ANKHD1: variants seen among roughly 807,000 people sequenced by gnomAD.
The protein encoded by ANKHD1 is ankyrin repeat and KH domain-containing protein 1.
ANKHD1 carries 31 observed loss-of-function variants against 230.5 expected under a neutral mutation model. The observed-to-expected ratio is 0.13, with a 90% CI of 0.10 to 0.18. The LOEUF is 0.18. ANKHD1 is among the 10% of genes least tolerant of loss of function. ANKHD1 has a pLI of 1.00. For synonymous variants in ANKHD1, 1,074 were observed against 1,117.6 expected, an observed-to-expected ratio of 0.96 and a Z score of 0.78; for missense variants, 2,256 against 3,071.3, an observed-to-expected ratio of 0.73 and a Z score of 6.27.
At chr5:140,443,756 A>G (rs1311168511) in intron 5 of ANKHD1, among the ~76,000 whole-genome samples, 1 of 151,946 alleles carries the variant, frequency 6.6e-6, no homozygotes, top group Non-Finnish European at 1.5e-5. Flanking sequence ...CCCCTTGAGG[A>G]TTCTTGGTGA....
At chr5:140,462,346 T>G (rs2126974728) in intron 9 of ANKHD1, among the ~76,000 whole-genome samples, 1 of 152,270 alleles carries the variant, frequency 6.6e-6, no homozygotes, top group East Asian at 1.9e-4. Flanking sequence ...GTTCTTTTAT[T>G]CCTTCTTTGT....
chr5:140,408,490 G>T (rs1213604496), intron 1 of ANKHD1, among the ~76,000 whole-genome samples: 1 of 152,050 alleles, frequency 6.6e-6, no homozygotes, highest in Admixed American at 6.6e-5. Flanking sequence ...TTATATAAAA[G>T]CACGCAGAAA....
chr5:140,483,133 A>T (rs1175529560), intron 11 of ANKHD1, among the ~76,000 whole-genome samples: 2 of 152,188 alleles, frequency 1.3e-5, no homozygotes, highest in Non-Finnish European at 2.9e-5. Flanking sequence ...AGAAATTTCA[A>T]CTGGTGAATG....
At chr5:140,523,565 CTT>C (rs58102859) in intron 24 of ANKHD1, among the ~76,000 whole-genome samples, 8 of 138,158 alleles carry the variant, frequency 5.8e-5, no homozygotes, top group Admixed American at 7.3e-5. Flanking sequence ...TGACTGTTTA[CTT>C]TTTTTTTTTT....
rs763385905 is a variant in ANKHD1, at chr5:140,529,256, C to T, written c.6310C>T (p.Pro2104Ser). 1.2e-6 allele frequency: 2 copies of T among 1,614,218 alleles called. No homozygotes were observed. The highest frequency in any genetic ancestry group is 2.2e-5 in the South Asian group (2 of 91,082). ...TTTTGCATCTAACTCAGAACCTGCT[C>T]CATTGACTTTGACATCACCCAGAAT... ...MPFASNSEPA[P>S]LTLTSPRMVA... Residue 2104 changes from proline (P) to serine (S), a missense_variant, in exon 29 of 34, where the codon CCA becomes TCA. This residue lies in a region of ANKHD1 where 778 missense variants were observed against 966.5 expected (regional missense o/e 0.80). Transcript: ENST00000360839.
rs1752572920 is a variant in ANKHD1 at position 140,507,113 on chromosome 5, A to G, written c.3551+136A>G. 3.1e-6 allele frequency: 4 copies of G among 1,284,792 alleles called. No individual in the cohort carries two copies. The highest frequency in any genetic ancestry group is 4.2e-6 in the Non-Finnish European group (4 of 955,450). The allele number at this position is 1,284,792 out of a possible 1,614,324, so 79.6% of individuals were successfully genotyped here. A position where few individuals can be genotyped will look rare whatever the true frequency, so the allele number is the denominator to read the frequency against. The stretch of plus-strand genomic sequence containing the variant: ...TTGCAAAGCCAACGATTATACCTAT[A>G]ATGTGTTTGTTTATAAGTAATCTCA... On this transcript the variant is annotated intron_variant, in intron 19 of 33. Transcript: ENST00000360839. This position sits in a 1 kb window ranked among gnomAD's most constrained non-coding sequence, Gnocchi z 4.1.
intron 20 of ANKHD1, 87 bp downstream of exon 20, chr5:140,508,085 A>G (rs982886101): frequency 1.2e-5 from 17 of 1,435,470 alleles, no homozygotes; most frequent in Non-Finnish European, 1.5e-5. Context: ...ATAATATTTT[A>G]AATTATCATA....
intron 1 of ANKHD1, among the ~76,000 whole-genome samples, chr5:140,434,454 A>G (rs1289576535): frequency 1.3e-5 from 2 of 149,826 alleles, no homozygotes; most frequent in Non-Finnish European, 3.0e-5. Context: ...AATTACATAT[A>G]TGCCATACAT....
intron 10 of ANKHD1, among the ~76,000 whole-genome samples, chr5:140,481,629 C>T (rs1751279232): frequency 6.6e-6 from 1 of 151,782 alleles, no homozygotes; most frequent in Non-Finnish European, 1.5e-5. Flanking sequence ...AAATTGTATT[C>T]TATTGGGAGA....
intron 1 of ANKHD1, among the ~76,000 whole-genome samples, chr5:140,402,572 G>C (rs1770043346): frequency 6.6e-6 from 1 of 152,190 alleles, no homozygotes; most frequent in Non-Finnish European, 1.5e-5. Context: ...CTTTGGAGTT[G>C]GGGGTGGGGG....
chr5:140,491,619 C>A (rs1438720625), intron 14 of ANKHD1, among the ~76,000 whole-genome samples: 1 of 152,118 alleles, frequency 6.6e-6, no homozygotes, highest in Non-Finnish European at 1.5e-5. Flanking sequence ...TGTATATCCT[C>A]CATGTTTTAC....
Position 140,440,982 on chromosome 5 carries a change from A to G in ANKHD1, c.766-13A>G, listed in dbSNP as rs373818155. 1.9e-6 allele frequency: 3 copies of G among 1,582,828 alleles called. No homozygotes were observed. The highest frequency in any genetic ancestry group is 2.3e-5 in the South Asian group (2 of 85,738). ...GAATTAACAATTTCTCTGTCTGTAT[A>G]TGTGTTTTAAAGGTATTGCTTGCTA... is the stretch of plus-strand genomic sequence containing the variant. On this transcript the variant is annotated splice_polypyrimidine_tract_variant and intron_variant, in intron 4 of 33. Transcript: ENST00000360839.
At chr5:140,441,284 A>T in intron 5 of ANKHD1, 142 bp downstream of exon 5, 2 of 1,187,752 alleles carry the variant, frequency 1.7e-6, no homozygotes, top group Non-Finnish European at 2.2e-6. Flanking sequence ...TGAGTAAAAT[A>T]CAAATTAATT....
intron 14 of ANKHD1, among the ~76,000 whole-genome samples, chr5:140,494,726 G>A (rs551315643): frequency 1.3e-5 from 2 of 151,958 alleles, no homozygotes; most frequent in African/African-American, 4.8e-5. Flanking sequence ...AACATTTCAT[G>A]TCTCTAAATG....
At chr5:140,489,198 A>T (rs933666100) in intron 14 of ANKHD1, among the ~76,000 whole-genome samples, 1 of 151,906 alleles carries the variant, frequency 6.6e-6, no homozygotes, top group Non-Finnish European at 1.5e-5. Flanking sequence ...TCCAAAAAAA[A>T]AAAAAACCAG....
At position 140,466,840 on chromosome 5, in the gene ANKHD1, G is replaced by C. The variant is rs532134204; in HGVS notation, c.1782+2064G>C. Among the ~76,000 whole-genome samples the C allele has an allele frequency of 5.3e-5, 8 of 151,542 alleles. No homozygotes were observed. In the South Asian group the frequency reaches 1.7e-3, roughly 32 times the overall value. On this transcript the variant is annotated intron_variant, in intron 10 of 33. Coordinates refer to ENST00000360839, the MANE Select transcript of ANKHD1 (RefSeq NM_017747.3). ...CGGGCCCCTGTAATCCCAGATACTT[G>C]GGAGAATCACTTGAACTCAGGAGGC...
At chr5:140,433,648 TGAGA>T (rs1439712149) in intron 1 of ANKHD1, among the ~76,000 whole-genome samples, 1 of 152,064 alleles carries the variant, frequency 6.6e-6, no homozygotes, top group Admixed American at 6.6e-5. Flanking sequence ...ATTATCATAG[TGAGA>T]GAGAGATATA....
intron 1 of ANKHD1, among the ~76,000 whole-genome samples, chr5:140,421,238 G>A (rs1190162693): frequency 6.6e-6 from 1 of 151,842 alleles, no homozygotes; most frequent in Non-Finnish European, 1.5e-5. Flanking sequence ...CTTTTTCCAG[G>A]GCAACAAACA....
chr5:140,438,368 G>T, intron 2 of ANKHD1, 93 bp from the exon 3 acceptor site: 1 of 1,423,494 alleles, frequency 7.0e-7, no homozygotes, highest in Non-Finnish European at 9.3e-7. Flanking sequence ...CTTTTTCCTA[G>T]ATAATAGTGT....
Sources: gnomAD v4.1 joint callset for allele counts (sites outside exome capture counted in the v4.1 genomes callset) on GRCh38, gnomAD v4.1.1 for gene constraint, gnomAD v4.1.1 regional missense constraint, Gnocchi (gnomAD v3.1) non-coding constraint, MANE v1.5 for transcripts, NCBI Gene and HGNC (gene_info 2026-07-23, HGNC 2026-07-21) for gene names.